PELI1: variants seen among roughly 807,000 people sequenced by gnomAD.
PELI1 encodes the protein E3 ubiquitin-protein ligase pellino homolog 1.
PELI1 carries 15 observed loss-of-function variants against 41.3 expected under a neutral mutation model. The ratio of observed to expected loss-of-function variants is 0.36; its 90% CI spans 0.24 to 0.56. The LOEUF (loss-of-function observed/expected upper bound fraction) is 0.56. Ranked by LOEUF, PELI1 falls within the 20% of genes least tolerant of loss-of-function variation. The pLI is 0.82. For synonymous variants in PELI1, 178 were observed against 180.1 expected, an observed-to-expected ratio of 0.99 and a Z score of 0.09; for missense variants, 403 against 525.5, an observed-to-expected ratio of 0.77 and a Z score of 2.28.
At chr2:64,097,846 G>A (rs761171549) in intron 4 of PELI1, among the ~76,000 whole-genome samples, 58 of 152,102 alleles carry the variant, frequency 3.8e-4, no homozygotes, top group Admixed American at 9.8e-4. Context: ...TATTTAGATT[G>A]GATAGTTTTA....
chr2:64,138,292 G>A (rs189465435), intron 1 of PELI1, among the ~76,000 whole-genome samples: 1 of 152,224 alleles, frequency 6.6e-6, no homozygotes, highest in Non-Finnish European at 1.5e-5. Flanking sequence ...CCATCTCAGG[G>A]CCACTGCACT....
chr2:64,142,901 A>T lies in PELI1; in HGVS notation c.-70+1180T>A, dbSNP rs147639478. ...AAAACAAAGTAACATTTTGCAGAGT[A>T]AGAAAAAGTAAAGAGCCTGTGAACC... On this transcript the variant is annotated intron_variant, in intron 1 of 6. Coordinates refer to ENST00000358912, the MANE Select transcript of PELI1 (RefSeq NM_020651.4). Among the ~76,000 whole-genome samples the T allele has an allele frequency of 1.7e-3, 262 of 152,356 alleles. 3 individuals are homozygous for T. In the Middle Eastern group the frequency reaches 0.044, roughly 26 times the overall value.
chr2:64,107,487 A>T lies in PELI1; in HGVS notation c.71+753T>A, dbSNP rs181283462. On this transcript the variant is annotated intron_variant, in intron 2 of 6. Coordinates refer to ENST00000358912, the MANE Select transcript of PELI1 (RefSeq NM_020651.4). Reference sequence around the variant, plus strand: ...ACCATACACATATACAACTCCTTTAACCCAAATGTACAGCACAAAGCAATA... The same window carrying T: ...ACCATACACATATACAACTCCTTTATCCCAAATGTACAGCACAAAGCAATA... 1.4e-3 allele frequency among the ~76,000 whole-genome samples: 214 copies of T among 152,226 alleles called. 3 individuals carry two copies. The highest frequency in any genetic ancestry group is 5.1e-3 in the African/African-American group (210 of 41,536).
At chr2:64,100,215 T>C (rs1163368194) in intron 4 of PELI1, among the ~76,000 whole-genome samples, 183 bp downstream of exon 4, 1 of 152,204 alleles carries the variant, frequency 6.6e-6, no homozygotes, top group Non-Finnish European at 1.5e-5. Context: ...CAGTAATTCT[T>C]ATTCTGGAGC....
At chr2:64,102,473 A>C (rs1477433349) in intron 3 of PELI1, among the ~76,000 whole-genome samples, 1 of 152,182 alleles carries the variant, frequency 6.6e-6, no homozygotes, top group African/African-American at 2.4e-5. Context: ...CCTGTGCTCA[A>C]GTGATCTTCC....
At position 64,104,892 on chromosome 2, in the gene PELI1, G is replaced by A. The variant is rs1680570955; in HGVS notation, c.72-62C>T. The stretch of plus-strand genomic sequence containing the variant: ...AGAACTGCACAATTATAAAACAAAT[G>A]TTTGACTTTGCCTTGCAGAATCAAT... On this transcript the variant is annotated intron_variant, in intron 2 of 6. Transcript: ENST00000358912. 3 of 1,419,496 alleles carry A rather than the reference G, an allele frequency of 2.1e-6. No homozygotes were observed. The African/African-American group carries it at 4.3e-5, about 20-fold the overall frequency. 87.9% of individuals were successfully genotyped at this position (1,419,496 alleles called of 1,614,324 possible). A position where few individuals can be genotyped will look rare whatever the true frequency, so the allele number is the denominator to read the frequency against.
intron 3 of PELI1, among the ~76,000 whole-genome samples, chr2:64,104,029 T>C (rs2103681029): frequency 6.6e-6 from 1 of 152,264 alleles, no homozygotes; most frequent in African/African-American, 2.4e-5. Context: ...TATCCTGAAA[T>C]GGTGGTCCAG....
intron 1 of PELI1, among the ~76,000 whole-genome samples, chr2:64,122,249 A>T (rs1681244269): frequency 6.6e-6 from 1 of 151,154 alleles, no homozygotes; most frequent in Non-Finnish European, 1.5e-5. Flanking sequence ...CAAAAGTCTT[A>T]AACTTCCGTA....
chr2:64,094,826 T>C lies in PELI1; in HGVS notation c.1133A>G (p.Tyr378Cys), dbSNP rs752448818. The C allele has an allele frequency of 5.6e-6, 9 of 1,614,052 alleles. No individual in the cohort carries two copies. Among genetic ancestry groups the C allele is most frequent in the Non-Finnish European group, 6.8e-6 (8 of 1,180,020 alleles). The change falls in exon 7 of 7, where the codon TAT (tyrosine) becomes TGT (cysteine). Residue 378 changes from tyrosine (Y) to cysteine (C), a missense_variant. Coordinates refer to ENST00000358912, the MANE Select transcript of PELI1 (RefSeq NM_020651.4). Reference sequence around the variant, plus strand: ...ATGAGGAAGTGGGATCTGGGACCAATAGGCAGTTGTCTTTTCTGAACACAC... The same window carrying C: ...ATGAGGAAGTGGGATCTGGGACCAACAGGCAGTTGTCTTTTCTGAACACAC... Reference protein sequence around the residue: ...GHVCSEKTTAYWSQIPLPHGT... With the variant: ...GHVCSEKTTACWSQIPLPHGT...
intron 2 of PELI1, among the ~76,000 whole-genome samples, chr2:64,105,491 G>C (rs1013209921): frequency 6.6e-6 from 1 of 151,994 alleles, no homozygotes; most frequent in African/African-American, 2.4e-5. Context: ...CTAAACCAAT[G>C]GAAACAAGTT....
intron 1 of PELI1, among the ~76,000 whole-genome samples, chr2:64,114,932 C>A (rs1190909351): frequency 6.6e-6 from 1 of 152,128 alleles, no homozygotes; most frequent in Non-Finnish European, 1.5e-5. Flanking sequence ...TGGCATACTT[C>A]TTGGCACACA....
At chr2:64,141,578 T>C (rs1681916707) in intron 1 of PELI1, among the ~76,000 whole-genome samples, 1 of 152,216 alleles carries the variant, frequency 6.6e-6, no homozygotes, top group Admixed American at 6.5e-5. Context: ...GCATAATGAC[T>C]ATCTACAGTC....
At chr2:64,132,299 GA>G (rs2103737662) in intron 1 of PELI1, among the ~76,000 whole-genome samples, 1 of 152,270 alleles carries the variant, frequency 6.6e-6, no homozygotes, top group African/African-American at 2.4e-5. Flanking sequence ...TACAACACCT[GA>G]AACTTTTCAA....
chr2:64,128,253 C>A (rs1681452294), intron 1 of PELI1, among the ~76,000 whole-genome samples: 1 of 152,042 alleles, frequency 6.6e-6, no homozygotes, highest in East Asian at 1.9e-4. Flanking sequence ...GGTTCAGATT[C>A]TGTGCTAGGA....
At chr2:64,103,092 C>T (rs1680500784) in intron 3 of PELI1, among the ~76,000 whole-genome samples, 1 of 152,042 alleles carries the variant, frequency 6.6e-6, no homozygotes, top group African/African-American at 2.4e-5. Context: ...ATCCGCCCAC[C>T]TTGGCCTCTC....
chr2:64,095,004 T>C lies in PELI1; in HGVS notation c.955A>G (p.Asn319Asp). 1 of 1,614,258 alleles carries C rather than the reference T, an allele frequency of 6.2e-7. No individual in the cohort carries two copies. ...TCACGTTCTTCTTTGTTTCCCCAGT[T>C]ATGATAGCCATGTACATGGCCGCAG... ...LNCGHVHGYH[N>D]WGNKEERDGK... The change falls in exon 7 of 7, where the codon AAC becomes GAC. Residue 319 changes from asparagine to aspartate, a missense_variant. Asn to Asp is a conservative substitution (Grantham distance 23, BLOSUM62 1). Coordinates refer to ENST00000358912, the MANE Select transcript of PELI1 (RefSeq NM_020651.4).
intron 3 of PELI1, among the ~76,000 whole-genome samples, chr2:64,100,836 C>T (rs1680404049): frequency 6.6e-6 from 1 of 152,128 alleles, no homozygotes; most frequent in Non-Finnish European, 1.5e-5. Flanking sequence ...AAGTGGTTCT[C>T]CTACCTCAGC....
intron 4 of PELI1, among the ~76,000 whole-genome samples, chr2:64,099,096 C>T (rs769018693): frequency 1.3e-5 from 2 of 150,456 alleles, no homozygotes; most frequent in Admixed American, 6.6e-5. Flanking sequence ...AAAAGATAAG[C>T]GGTAAACAAA....
intron 2 of PELI1, chr2:64,106,201 C>T (rs1455316633): frequency 2.0e-5 from 3 of 152,252 alleles, no homozygotes; most frequent in Non-Finnish European, 4.4e-5. Context: ...CATGACTCAT[C>T]CCACTTCTGG....
Sources: gnomAD v4.1 joint callset for allele counts (sites outside exome capture counted in the v4.1 genomes callset) on GRCh38, gnomAD v4.1.1 for gene constraint, MANE v1.5 for transcripts, NCBI Gene and HGNC (gene_info 2026-07-23, HGNC 2026-07-21) for gene names.